The following ATMIN variants were observed in gnomAD, a reference collection of about 807,000 sequenced individuals.
The protein encoded by ATMIN is ATM interactor, also known as ATM INteracting protein.
ATMIN carries 24 observed loss-of-function variants against 49.2 expected under a neutral mutation model. The ratio of observed to expected loss-of-function variants is 0.49; its 90% confidence interval spans 0.35 to 0.69. The LOEUF is 0.69. Among genes scored for constraint, ATMIN ranks in the 30% least tolerant of loss-of-function variants. The pLI, the probability that ATMIN is intolerant of heterozygous loss-of-function variation, is 0.00. For missense variants in ATMIN, 1,037 were observed against 1,005.5 expected (o/e 1.03, Z -0.42); for synonymous variants, 450 against 392.5 (o/e 1.15, Z -1.73).
intron 1 of ATMIN, among the ~76,000 whole-genome samples, chr16:81,039,916 A>T (rs1438499055): frequency 1.3e-5 from 2 of 152,230 alleles, no homozygotes; most frequent in African/African-American, 2.4e-5. Flanking sequence ...ATAAGATGAC[A>T]AAGCAAACCG....
At position 81,041,502 on chromosome 16, in the gene ATMIN, G is replaced by A. The variant is rs753016135; in HGVS notation, c.462+21G>A. 97 of 1,589,132 alleles carry A rather than the reference G, an allele frequency of 6.1e-5. 1 individual carries two copies. In the South Asian group the frequency reaches 1.1e-3, roughly 18 times the overall value. On this transcript the variant is annotated intron_variant, in intron 2 of 3. Transcript: ENST00000299575. ...AACAGGTACTCTCTACTCTGAGGAT[G>A]AGATACAGATGCTAAAAACCTATTG...
intron 3 of ATMIN, 123 bp from the exon 4 acceptor site, chr16:81,043,038 G>C: frequency 8.3e-7 from 1 of 1,211,462 alleles, no homozygotes; most frequent in Non-Finnish European, 1.1e-6. Context: ...GATTTATCTT[G>C]TCTGGGTTGA....
chr16:81,043,654 G>C lies in ATMIN; in HGVS notation c.1156G>C (p.Val386Leu), dbSNP rs1257361867. ...AGEPISTGVQ[V>L]NFGKSPSNPL... ...TGAGCCAATAAGTACTGGTGTTCAA[G>C]TGAACTTTGGTAAAAGTCCATCTAA... The change falls in exon 4 of 4, where the codon GTG becomes CTG. Residue 386 changes from valine (V) to leucine (L), a missense_variant. Transcript: ENST00000299575. The C allele has an allele frequency of 1.2e-6, 2 of 1,614,128 alleles. No homozygotes were observed. The highest frequency in any genetic ancestry group is 4.5e-5 in the East Asian group (2 of 44,894).
Position 81,044,238 on chromosome 16 carries a change from G to A in ATMIN, c.1740G>A (p.Met580Ile), listed in dbSNP as rs1971083001. Residue 580 changes from methionine (M) to isoleucine (I), a missense_variant, in exon 4 of 4, where the codon ATG (methionine) becomes ATA (isoleucine). Met to Ile is a conservative substitution (Grantham distance 10). Transcript: ENST00000299575. ...AQNSMLPSQNMTDNQTQTIDL... is the reference protein window; with the variant it reads ...AQNSMLPSQNITDNQTQTIDL... ...ATAGTATGCTTCCTTCACAGAACAT[G>A]ACAGATAATCAGACCCAAACCATAG... is the stretch of plus-strand genomic sequence containing the variant. The A allele has an allele frequency of 6.2e-7, 1 of 1,613,968 alleles. No homozygotes were observed.
At position 81,045,429 on chromosome 16, in the gene ATMIN, G is replaced by C. The variant is rs781282405; in HGVS notation, c.*459G>C. 28 of 157,338 alleles carry C rather than the reference G, an allele frequency of 1.8e-4. No individual in the cohort carries two copies. The highest frequency in any genetic ancestry group is 3.4e-4 in the Non-Finnish European group (24 of 71,528). 9.7% of individuals were successfully genotyped at this position (157,338 alleles called of 1,614,324 possible). A position where few individuals can be genotyped will look rare whatever the true frequency, so the allele number is the denominator to read the frequency against. ...CCTGTTACTAATCACTAAAGAAACC[G>C]GATGCTGCCACCGTAGGATTTAAGC... On this transcript the variant is annotated 3_prime_UTR_variant, in exon 4 of 4. Transcript: ENST00000299575.
rs1416549331 is a variant in ATMIN at position 81,045,605 on chromosome 16, G to C, written c.*635G>C. 6.6e-6 allele frequency: 1 copy of C among 152,578 alleles called. No individual in the cohort carries two copies. The highest frequency in any genetic ancestry group is 1.5e-5 in the Non-Finnish European group (1 of 68,394). The allele number at this position is 152,578 out of a possible 1,614,324, so 9.5% of individuals were successfully genotyped here. A position where few individuals can be genotyped will look rare whatever the true frequency, so the allele number is the denominator to read the frequency against. On this transcript the variant is annotated 3_prime_UTR_variant, in exon 4 of 4. Transcript: ENST00000299575. The stretch of plus-strand genomic sequence containing the variant: ...AATCATTGCCACCTCTTCGCTACAT[G>C]AACTACTATTGATACCAGCATACAA...
At chr16:81,036,302 C>CTT in intron 1 of ATMIN, 96 bp downstream of exon 1, 1 of 1,065,360 alleles carries the variant, frequency 9.4e-7, no homozygotes, top group Non-Finnish European at 1.1e-6. Flanking sequence ...GGGACGAGCG[C>CTT]CCTGCGCGCT....
At chr16:81,040,831 C>G (rs1478007678) in intron 1 of ATMIN, 1 of 155,420 alleles carries the variant, frequency 6.4e-6, no homozygotes, top group Non-Finnish European at 1.4e-5. Flanking sequence ...GACTGAAGGT[C>G]TAGAAATTAG....
intron 1 of ATMIN, among the ~76,000 whole-genome samples, chr16:81,037,995 G>A (rs538246432): frequency 5.9e-5 from 9 of 152,168 alleles, no homozygotes; most frequent in Admixed American, 2.6e-4. Context: ...AATAGTTTCT[G>A]TTGTTCCTTT....
At chr16:81,038,093 T>TG (rs958634582) in intron 1 of ATMIN, among the ~76,000 whole-genome samples, 15 of 152,104 alleles carry the variant, frequency 9.9e-5, no homozygotes, top group African/African-American at 3.6e-4. Context: ...CTTTCAGGAC[T>TG]GGTTAGTATA....
chr16:81,043,835 C>T lies in ATMIN; in HGVS notation c.1337C>T (p.Ser446Leu), dbSNP rs778646077. 7 of 1,614,080 alleles carry T rather than the reference C, an allele frequency of 4.3e-6. No homozygotes were observed. Among genetic ancestry groups the T allele is most frequent in the Middle Eastern group, 3.3e-4 (2 of 6,084 alleles). Residue 446 changes from serine to leucine, a missense_variant, in exon 4 of 4, where the codon TCG becomes TTG. Physicochemically the swap from Ser to Leu is moderately radical, Grantham distance 145. Coordinates refer to ENST00000299575, the MANE Select transcript of ATMIN (RefSeq NM_015251.3). ...SVSSCSQTDL[S>L]FDSQVSLPIS... ...TCGTCTTGTTCTCAAACTGATTTGTCGTTTGATTCTCAAGTGTCTCTTCCC... is the reference window on the plus strand; with the variant it reads ...TCGTCTTGTTCTCAAACTGATTTGTTGTTTGATTCTCAAGTGTCTCTTCCC...
intron 1 of ATMIN, chr16:81,037,073 C>A (rs1970950418): frequency 3.2e-6 from 2 of 631,592 alleles, no homozygotes; most frequent in Non-Finnish European, 3.9e-6. Context: ...CATTTTCAAC[C>A]TTGGGACACA....
chr16:81,037,227 A>G (rs544744790), intron 1 of ATMIN: 1 of 985,500 alleles, frequency 1.0e-6, no homozygotes, highest in African/African-American at 1.7e-5. Flanking sequence ...AGTCATTGAA[A>G]GCAGTTCTGC....
intron 1 of ATMIN, chr16:81,037,637 T>G: frequency 1.9e-6 from 1 of 521,500 alleles, no homozygotes; most frequent in Non-Finnish European, 2.5e-6. Flanking sequence ...TGTTTTTGTG[T>G]TTTTTTGTTT....
chr16:81,037,438 A>T (rs1470193788), intron 1 of ATMIN: 1 of 985,454 alleles, frequency 1.0e-6, no homozygotes, highest in Non-Finnish European at 1.2e-6. Flanking sequence ...AACGTTCTCA[A>T]TTGAAGATCA....
chr16:81,041,609 G>T, intron 2 of ATMIN, 128 bp downstream of exon 2: 2 of 1,248,112 alleles, frequency 1.6e-6, no homozygotes, highest in Non-Finnish European at 2.2e-6. Context: ...GTGTCTCCCA[G>T]TTGGTATAAA....
At chr16:81,038,485 C>G (rs1435055581) in intron 1 of ATMIN, among the ~76,000 whole-genome samples, 1 of 151,994 alleles carries the variant, frequency 6.6e-6, no homozygotes, top group Non-Finnish European at 1.5e-5. Flanking sequence ...TCATTTTTTT[C>G]TTGACAAGCA....
chr16:81,040,923 G>C (rs1423324475), intron 1 of ATMIN: 1 of 156,818 alleles, frequency 6.4e-6, no homozygotes, highest in African/African-American at 2.4e-5. Context: ...ATAGTAAAAG[G>C]CATTCAATGA....
chr16:81,037,711 C>T (rs868582634), intron 1 of ATMIN, among the ~76,000 whole-genome samples: 2 of 152,206 alleles, frequency 1.3e-5, no homozygotes, highest in Admixed American at 6.5e-5. Context: ...TCTCAGCTCA[C>T]TGTAACCTCT....
Sources: allele counts gnomAD v4.1 joint callset (sites outside exome capture counted in the v4.1 genomes callset), GRCh38; gene constraint gnomAD v4.1.1; transcripts MANE v1.5; gene names NCBI Gene and HGNC (gene_info 2026-07-23, HGNC 2026-07-21).